Variants in PDE4D observed in about 807,000 individuals in gnomAD.
PDE4D encodes the protein phosphodiesterase 4D.
Under a neutral mutation model 87.4 loss-of-function variants are expected in PDE4D, and 24 were observed. The ratio of observed to expected loss-of-function variants is 0.27; its 90% CI spans 0.20 to 0.39. PDE4D has a LOEUF of 0.39. Ranked by LOEUF, PDE4D falls within the 10% of genes least tolerant of loss-of-function variation. The probability of loss-of-function intolerance (pLI) is 1.00; values close to 1 mark genes in which losing one functional copy is unlikely to be tolerated. For missense variants in PDE4D, 714 were observed against 1,041.0 expected (o/e 0.69, Z 4.32); for synonymous variants, 384 against 383.2 (o/e 1.00, Z -0.02).
chr5:59,450,791 C>T (rs552798538), intron 1 of PDE4D, among the ~76,000 whole-genome samples: 13 of 152,116 alleles, frequency 8.5e-5, no homozygotes, highest in African/African-American at 3.1e-4. Flanking sequence ...CTCCTGTTAC[C>T]AACTCGGGCA....
chr5:60,145,209 T>C (rs1037221516), intron 2 of PDE4D, among the ~76,000 whole-genome samples: 2 of 152,126 alleles, frequency 1.3e-5, no homozygotes, highest in Non-Finnish European at 2.9e-5. Context: ...CTGAAATCAC[T>C]ATAATTCTTG....
At chr5:60,517,624 G>A (rs1750859725) in intron 1 of PDE4D, among the ~76,000 whole-genome samples, 1 of 151,516 alleles carries the variant, frequency 6.6e-6, no homozygotes, top group African/African-American at 2.4e-5. Context: ...TGACCTGCCT[G>A]CAGAGAGGAG....
chr5:60,376,853 C>T (rs981456895), intron 1 of PDE4D, among the ~76,000 whole-genome samples: 4 of 152,194 alleles, frequency 2.6e-5, no homozygotes, highest in Non-Finnish European at 5.9e-5. Context: ...TGATAAGTCT[C>T]AGCCTAAATG....
intron 1 of PDE4D, among the ~76,000 whole-genome samples, chr5:60,301,048 C>A (rs991799325): frequency 6.6e-6 from 1 of 152,150 alleles, no homozygotes; most frequent in African/African-American, 2.4e-5. Context: ...GGGTTACAGG[C>A]GTGAGCCAAT....
chr5:60,010,695 A>G (rs990554232), intron 2 of PDE4D, among the ~76,000 whole-genome samples: 5 of 152,138 alleles, frequency 3.3e-5, no homozygotes, highest in Non-Finnish European at 7.4e-5. Context: ...TTCAAATATT[A>G]TGATGCAGAC....
intron 1 of PDE4D, among the ~76,000 whole-genome samples, chr5:60,425,514 C>G (rs1261594064): frequency 6.6e-6 from 1 of 152,114 alleles, no homozygotes; most frequent in African/African-American, 2.4e-5. Flanking sequence ...CTTCCTTACA[C>G]CTTATACAAA....
In PDE4D at chr5:59,509,765, A is replaced by G. The variant is rs1243274750; in HGVS notation, c.456-293797T>C. ...TAATGCCAGAAAAGACGTGAAAAGAAAACAAACATTAGAAAGCAGGATAAA... is the reference window on the plus strand; with the variant it reads ...TAATGCCAGAAAAGACGTGAAAAGAGAACAAACATTAGAAAGCAGGATAAA... On this transcript the variant is annotated intron_variant, in intron 1 of 14. Transcript: ENST00000340635. 2.7e-5 allele frequency among the ~76,000 whole-genome samples: 4 copies of G among 149,944 alleles called. No homozygotes were observed. The East Asian group carries it at 7.7e-4, about 29-fold the overall frequency.
In PDE4D at chr5:59,343,672, A is replaced by G. The variant is rs540075407; in HGVS notation, c.456-127704T>C. ...TCCTGGGCTTGGTGTTGATTTCATGAATGCATGCTTGATGTATGAAGAAAT... is the reference window on the plus strand; with the variant it reads ...TCCTGGGCTTGGTGTTGATTTCATGGATGCATGCTTGATGTATGAAGAAAT... On this transcript the variant is annotated intron_variant, in intron 1 of 14. Transcript: ENST00000340635. 2.0e-5 allele frequency among the ~76,000 whole-genome samples: 3 copies of G among 152,330 alleles called. No individual in the cohort carries two copies. In the South Asian group the frequency reaches 6.2e-4, roughly 32 times the overall value.
chr5:59,046,486 A>T (rs540809265), intron 5 of PDE4D, among the ~76,000 whole-genome samples: 1 of 146,094 alleles, frequency 6.8e-6, no homozygotes, highest in Admixed American at 6.9e-5. Flanking sequence ...CTAAAGGGTA[A>T]CTCCAATTTG....
chr5:59,216,057 CAG>C, intron 1 of PDE4D, 89 bp from the exon 2 acceptor site: 1 of 857,676 alleles, frequency 1.2e-6, no homozygotes, highest in Non-Finnish European at 1.8e-6. Flanking sequence ...GAGGAACTGA[CAG>C]TGGAATTAGC....
At position 59,574,061 on chromosome 5, in the gene PDE4D, AATATATATATT is replaced by A. The variant is rs1561239995; in HGVS notation, c.455+319096_455+319106del. On this transcript the variant is annotated intron_variant, in intron 1 of 14. Transcript: ENST00000340635. ...ATATTTATATATATTTATATATAAA[AATATATATATT>A]TATATATATATTTATATATATAAAT... 1.0e-3 allele frequency among the ~76,000 whole-genome samples: 32 copies of A among 31,900 alleles called. 1 individual carries two copies. Among genetic ancestry groups the A allele is most frequent in the African/African-American group, 3.9e-3 (31 of 7,876 alleles). The allele number at this position is 31,900 out of a possible 152,430, so 20.9% of individuals were successfully genotyped here.
At position 59,301,470 on chromosome 5, in the gene PDE4D, T is replaced by G. The variant is rs538944900; in HGVS notation, c.456-85502A>C. Among the ~76,000 whole-genome samples, 6 of 152,316 alleles carry G rather than the reference T, an allele frequency of 3.9e-5. No homozygotes were observed. The South Asian group carries it at 1.2e-3, about 32-fold the overall frequency. On this transcript the variant is annotated intron_variant, in intron 1 of 14. Coordinates refer to ENST00000340635, the MANE Select transcript of PDE4D (RefSeq NM_001104631.2). ...TAGCAAATATTTTAACGTGTAGAGA[T>G]GAAAAGGACAGATTTTCTTTAAGTG...
chr5:59,986,143 CAAG>C (rs33970287), intron 3 of PDE4D, among the ~76,000 whole-genome samples: 108,586 of 151,742 alleles, frequency 0.72, 39,168 homozygotes, highest in East Asian at 0.97. Context: ...CCTCTGCCTT[CAAG>C]CAGGCTGAAG....
At chr5:60,067,468 G>A (rs1772228302) in intron 2 of PDE4D, among the ~76,000 whole-genome samples, 1 of 151,932 alleles carries the variant, frequency 6.6e-6, no homozygotes, top group Non-Finnish European at 1.5e-5. Flanking sequence ...ATAAATGTAA[G>A]AACATGCCCC....
At chr5:59,346,426 T>C (rs988136991) in intron 1 of PDE4D, among the ~76,000 whole-genome samples, 9 of 152,278 alleles carry the variant, frequency 5.9e-5, no homozygotes, top group African/African-American at 1.9e-4. Flanking sequence ...AAGGCAAGAC[T>C]GCGAGACTTT....
chr5:60,122,940 A>G (rs1778818181), intron 2 of PDE4D, among the ~76,000 whole-genome samples: 1 of 152,162 alleles, frequency 6.6e-6, no homozygotes, highest in Non-Finnish European at 1.5e-5. Flanking sequence ...TCCACCAGAT[A>G]CCCTAAATCA....
chr5:60,125,580 A>G (rs1779061355), intron 2 of PDE4D, among the ~76,000 whole-genome samples: 1 of 152,116 alleles, frequency 6.6e-6, no homozygotes, highest in South Asian at 2.1e-4. Flanking sequence ...TGAAAGACCC[A>G]AGCGGGGAGA....
chr5:59,921,308 C>CA (rs1433869952), intron 3 of PDE4D, among the ~76,000 whole-genome samples: 2 of 151,912 alleles, frequency 1.3e-5, no homozygotes, highest in African/African-American at 4.8e-5. Flanking sequence ...ACGAAAACAG[C>CA]ATAATGGCCA....
intron 1 of PDE4D, among the ~76,000 whole-genome samples, chr5:59,498,051 A>T (rs1807546661): frequency 6.6e-6 from 1 of 152,124 alleles, no homozygotes; most frequent in South Asian, 2.1e-4. Context: ...AATGCCAACC[A>T]ATAATTTCAT....
Sources: gnomAD v4.1 joint callset for allele counts (sites outside exome capture counted in the v4.1 genomes callset) on GRCh38, gnomAD v4.1.1 for gene constraint, MANE v1.5 for transcripts, NCBI Gene and HGNC (gene_info 2026-07-23, HGNC 2026-07-21) for gene names.